The following PCSK5 variants were observed in gnomAD, a reference collection of about 807,000 sequenced individuals.
The protein encoded by PCSK5 is prohormone convertase 5.
In PCSK5, 129 loss-of-function variants were observed where a neutral mutation model predicts 233.2. The observed-to-expected ratio is 0.55, with a 90% CI of 0.48 to 0.64. The LOEUF (loss-of-function observed/expected upper bound fraction) is 0.64, where lower values mean the gene tolerates loss of function less well. Among genes scored for constraint, PCSK5 ranks in the 30% least tolerant of loss-of-function variants. The pLI is 0.00. For synonymous variants in PCSK5, 825 were observed against 879.2 expected (o/e 0.94, Z 1.09); for missense variants, 2,076 against 2,430.1 (o/e 0.85, Z 3.06).
chr9:75,959,665 G>T (rs564943046), intron 2 of PCSK5, among the ~76,000 whole-genome samples: 1 of 152,306 alleles, frequency 6.6e-6, no homozygotes, highest in East Asian at 1.9e-4. Flanking sequence ...GCTCGGGGCC[G>T]ACTCTGTGGC....
intron 5 of PCSK5, among the ~76,000 whole-genome samples, chr9:76,047,689 T>C (rs769826501): frequency 6.6e-6 from 1 of 152,156 alleles, no homozygotes; most frequent in Non-Finnish European, 1.5e-5. Context: ...TAGGAGGGAC[T>C]CATTAATGGG....
intron 5 of PCSK5, among the ~76,000 whole-genome samples, chr9:76,065,999 G>T (rs781251624): frequency 1.3e-5 from 2 of 152,056 alleles, no homozygotes; most frequent in Admixed American, 6.5e-5. Context: ...ATTCTGTTCT[G>T]TTGGTCAGTG....
At chr9:76,197,570 T>C (rs1355222486) in intron 20 of PCSK5, among the ~76,000 whole-genome samples, 2 of 152,160 alleles carry the variant, frequency 1.3e-5, no homozygotes, top group Admixed American at 6.5e-5. Flanking sequence ...AAATATAAAA[T>C]AGACATTCAT....
At chr9:76,299,979 A>C (rs924013) in intron 27 of PCSK5, among the ~76,000 whole-genome samples, 122,042 of 152,138 alleles carry the variant, frequency 0.8, 49,105 homozygotes, top group East Asian at 0.95. Flanking sequence ...TGATTAAAAC[A>C]ATGTTATAGC....
intron 30 of PCSK5, among the ~76,000 whole-genome samples, chr9:76,311,618 A>G (rs1204198602): frequency 6.6e-6 from 1 of 152,216 alleles, no homozygotes; most frequent in Non-Finnish European, 1.5e-5. Context: ...AGTGAGGAAT[A>G]GCAAATGCAA....
chr9:76,025,267 C>A, intron 4 of PCSK5, among the ~76,000 whole-genome samples: 1 of 152,086 alleles, frequency 6.6e-6, no homozygotes, highest in East Asian at 1.9e-4. Context: ...AACATTCAGG[C>A]TAGGTGCAGT....
intron 10 of PCSK5, 93 bp from the exon 11 acceptor site, chr9:76,156,952 T>A: frequency 1.3e-6 from 1 of 771,698 alleles, no homozygotes; most frequent in Non-Finnish European, 2.3e-6. Context: ...ATAGCTAGGA[T>A]CCCATAGGGT....
intron 1 of PCSK5, among the ~76,000 whole-genome samples, chr9:75,917,040 G>C (rs148617053): frequency 6.6e-6 from 1 of 151,998 alleles, no homozygotes; most frequent in Non-Finnish European, 1.5e-5. Flanking sequence ...ATGGTGGCAC[G>C]TGCCTGTAAT....
intron 15 of PCSK5, among the ~76,000 whole-genome samples, chr9:76,180,755 G>C (rs1328076793): frequency 6.6e-6 from 1 of 152,174 alleles, no homozygotes; most frequent in African/African-American, 2.4e-5. Context: ...TTCCTTAAGA[G>C]AAAGGAGGAC....
rs1338167790 is a variant in PCSK5, at chr9:76,239,056, C to T, written c.2964C>T (p.Cys988=). The change falls in exon 23 of 38, where the codon TGC becomes TGT. Residue 988 remains cysteine (C), a synonymous_variant. Coordinates refer to ENST00000674117, the MANE Select transcript of PCSK5 (RefSeq NM_001372043.1). ...CTGAGGGGAACACCTGCCTGCCCTG[C>T]CCAGACAACTGTGAGCTTTGCCACA... ...YATEGNTCLP[C]PDNCELCHSV... is the part of the protein sequence containing the mutation. 6.2e-7 allele frequency: 1 copy of T among 1,611,304 alleles called. No homozygotes were observed. The highest frequency in any genetic ancestry group is 8.5e-7 in the Non-Finnish European group (1 of 1,179,310).
At chr9:76,182,420 T>G (rs1818461887) in intron 16 of PCSK5, among the ~76,000 whole-genome samples, 2 of 152,192 alleles carry the variant, frequency 1.3e-5, no homozygotes, top group Non-Finnish European at 2.9e-5. Flanking sequence ...GATCAGGTAC[T>G]GTAGTCCACC....
At chr9:76,085,900 C>T (rs1320466947) in intron 7 of PCSK5, among the ~76,000 whole-genome samples, 2 of 152,296 alleles carry the variant, frequency 1.3e-5, no homozygotes, top group East Asian at 3.9e-4. Context: ...TGGAATATCC[C>T]TCTATCCTCC....
intron 2 of PCSK5, among the ~76,000 whole-genome samples, chr9:75,958,884 C>T (rs1327071858): frequency 6.6e-6 from 1 of 152,246 alleles, no homozygotes; most frequent in African/African-American, 2.4e-5. Context: ...ATCAACACTA[C>T]ACATCCCCTG....
At chr9:76,267,162 A>G (rs1468229294) in intron 24 of PCSK5, among the ~76,000 whole-genome samples, 7 of 152,200 alleles carry the variant, frequency 4.6e-5, no homozygotes, top group East Asian at 1.9e-4. Flanking sequence ...AAGGGCCACC[A>G]GCCTTCTAAA....
At chr9:75,954,223 TATC>T (rs1824996140) in intron 2 of PCSK5, among the ~76,000 whole-genome samples, 1 of 152,198 alleles carries the variant, frequency 6.6e-6, no homozygotes, top group Non-Finnish European at 1.5e-5. Flanking sequence ...CTTCTGAGAT[TATC>T]ATCAGGATAT....
intron 24 of PCSK5, among the ~76,000 whole-genome samples, chr9:76,246,856 T>C (rs1180563013): frequency 6.6e-6 from 1 of 152,232 alleles, no homozygotes; most frequent in Non-Finnish European, 1.5e-5. Flanking sequence ...CAGGGGTCCT[T>C]GCTCCCAGAG....
At chr9:76,095,621 A>T (rs1028651774) in intron 7 of PCSK5, among the ~76,000 whole-genome samples, 1 of 152,216 alleles carries the variant, frequency 6.6e-6, no homozygotes, top group Non-Finnish European at 1.5e-5. Context: ...AAAGAATTCA[A>T]TGCAGTTCAT....
chr9:76,310,897 T>G, intron 30 of PCSK5, 46 bp downstream of exon 30: 1 of 1,286,288 alleles, frequency 7.8e-7, no homozygotes, highest in Admixed American at 2.6e-5. Context: ...ATCACTCTCC[T>G]CTGGTACTTT....
At chr9:76,041,477 C>G (rs978429564) in intron 5 of PCSK5, among the ~76,000 whole-genome samples, 1 of 152,172 alleles carries the variant, frequency 6.6e-6, no homozygotes, top group Non-Finnish European at 1.5e-5. Context: ...TTATCTAAAA[C>G]TTAAATCTGA....
Sources: allele counts gnomAD v4.1 joint callset (sites outside exome capture counted in the v4.1 genomes callset), GRCh38; gene constraint gnomAD v4.1.1; transcripts MANE v1.5; gene names NCBI Gene and HGNC (gene_info 2026-07-23, HGNC 2026-07-21).